ADAMTS19: variants seen among roughly 807,000 people sequenced by gnomAD.
ADAMTS19 encodes the protein A disintegrin and metalloproteinase with thrombospondin motifs 19.
Under a neutral mutation model 153.3 loss-of-function variants are expected in ADAMTS19, and 93 were observed. The observed-to-expected ratio is 0.61, with a 90% CI of 0.51 to 0.72. ADAMTS19 has a LOEUF of 0.72. Ranked by LOEUF, ADAMTS19 falls within the 30% of genes least tolerant of loss-of-function variation. The probability of loss-of-function intolerance (pLI) is 0.00; values close to 1 mark genes in which losing one functional copy is unlikely to be tolerated. For missense variants in ADAMTS19, 1,482 were observed against 1,552.1 expected, an observed-to-expected ratio of 0.95 and a Z score of 0.76; for synonymous variants, 600 against 556.6, an observed-to-expected ratio of 1.08 and a Z score of -1.10.
At chr5:129,497,799 C>T (rs1242101843) in intron 2 of ADAMTS19, among the ~76,000 whole-genome samples, 2 of 152,012 alleles carry the variant, frequency 1.3e-5, no homozygotes, top group African/African-American at 4.8e-5. Context: ...AGTCCAGTCA[C>T]CCTGTGTTGC....
At chr5:129,483,675 T>C (rs1262548206) in intron 2 of ADAMTS19, among the ~76,000 whole-genome samples, 2 of 152,232 alleles carry the variant, frequency 1.3e-5, no homozygotes, top group East Asian at 1.9e-4. Flanking sequence ...AGCCAAAATC[T>C]GTAAGATGCT....
intron 2 of ADAMTS19, among the ~76,000 whole-genome samples, chr5:129,464,806 G>A (rs1749799048): frequency 6.6e-6 from 1 of 152,164 alleles, no homozygotes; most frequent in African/African-American, 2.4e-5. Flanking sequence ...CAATTGATCT[G>A]TGAAGTGTTA....
intron 3 of ADAMTS19, among the ~76,000 whole-genome samples, chr5:129,510,427 C>T (rs1751400546): frequency 6.6e-6 from 1 of 151,886 alleles, no homozygotes; most frequent in African/African-American, 2.4e-5. Flanking sequence ...AGTTGAGTCT[C>T]TCTCCACGTC....
chr5:129,661,708 C>T (rs1753820878), intron 15 of ADAMTS19, among the ~76,000 whole-genome samples: 1 of 152,032 alleles, frequency 6.6e-6, no homozygotes, highest in Admixed American at 6.6e-5. Flanking sequence ...GATAAATTTT[C>T]AGAGGAATAA....
intron 21 of ADAMTS19, among the ~76,000 whole-genome samples, chr5:129,713,434 A>C (rs1192080824): frequency 6.6e-6 from 1 of 152,234 alleles, no homozygotes; most frequent in East Asian, 1.9e-4. Flanking sequence ...TCAGCCAATT[A>C]GAAAGATATC....
intron 6 of ADAMTS19, among the ~76,000 whole-genome samples, chr5:129,545,405 C>G (rs1752820110): frequency 6.6e-6 from 1 of 152,020 alleles, no homozygotes. Context: ...CACAAAGGTG[C>G]CTGAGCACTA....
At chr5:129,555,924 A>G (rs1226455344) in intron 7 of ADAMTS19, among the ~76,000 whole-genome samples, 1 of 152,330 alleles carries the variant, frequency 6.6e-6, no homozygotes, top group African/African-American at 2.4e-5. Flanking sequence ...CAATATTTCA[A>G]CTTTAAAACA....
rs529501401 is a variant in ADAMTS19, at chr5:129,531,555, G to A, written c.1328+2878G>A. Among the ~76,000 whole-genome samples, 86 of 152,252 alleles carry A rather than the reference G, an allele frequency of 5.6e-4. 1 individual carries two copies. Among genetic ancestry groups the A allele is most frequent in the Admixed American group, 2.9e-3 (44 of 15,296 alleles). On this transcript the variant is annotated intron_variant, in intron 6 of 22. Transcript: ENST00000274487. ...CACGAGAATTGCTTGAATCTGGGAG[G>A]CAGAGGTTGCAGTGAGCCAAGATTG...
intron 22 of ADAMTS19, among the ~76,000 whole-genome samples, chr5:129,735,576 A>G (rs1254055401): frequency 6.6e-6 from 1 of 152,048 alleles, no homozygotes; most frequent in African/African-American, 2.4e-5. Context: ...GATCTACACC[A>G]TTAAACAAGA....
intron 3 of ADAMTS19, among the ~76,000 whole-genome samples, chr5:129,522,300 T>TGC (rs1751840097): frequency 1.3e-5 from 1 of 79,508 alleles, no homozygotes; most frequent in African/African-American, 7.6e-5. Context: ...TGTGTGTGTG[T>TGC]ATATATATAT....
chr5:129,641,978 T>C lies in ADAMTS19; in HGVS notation c.1872+18T>C, dbSNP rs1313678550. The C allele has an allele frequency of 1.3e-6, 2 of 1,522,068 alleles. No homozygotes were observed. The highest frequency in any genetic ancestry group is 1.8e-6 in the Non-Finnish European group (2 of 1,113,536). The allele number at this position is 1,522,068 out of a possible 1,614,324, so 94.3% of individuals were successfully genotyped here. On this transcript the variant is annotated intron_variant, in intron 11 of 22. Coordinates refer to ENST00000274487, the MANE Select transcript of ADAMTS19 (RefSeq NM_133638.6). ...TTGGTAAGGTAAGTCATTTGTGTTG[T>C]CTGAATTTAATGAGCATACTAGATG...
At chr5:129,628,214 T>C (rs149174608) in intron 10 of ADAMTS19, among the ~76,000 whole-genome samples, 1 of 151,860 alleles carries the variant, frequency 6.6e-6, no homozygotes, top group East Asian at 1.9e-4. Flanking sequence ...AAAAACCAAA[T>C]ACCATTTGTT....
intron 7 of ADAMTS19, among the ~76,000 whole-genome samples, chr5:129,555,862 A>T (rs1431050053): frequency 6.6e-6 from 1 of 152,220 alleles, no homozygotes; most frequent in Non-Finnish European, 1.5e-5. Flanking sequence ...AGATGAAGAT[A>T]TAGAATTAAA....
intron 10 of ADAMTS19, among the ~76,000 whole-genome samples, chr5:129,635,085 C>A (rs1040277354): frequency 2.6e-5 from 4 of 152,146 alleles, no homozygotes; most frequent in African/African-American, 9.6e-5. Context: ...AAAAAACAAG[C>A]AACCCCAATA....
intron 2 of ADAMTS19, among the ~76,000 whole-genome samples, chr5:129,467,602 T>C (rs780124188): frequency 2.8e-4 from 42 of 152,292 alleles, no homozygotes; most frequent in Non-Finnish European, 5.0e-4. Flanking sequence ...AGATTGACTT[T>C]AGAGGATTGA....
intron 7 of ADAMTS19, among the ~76,000 whole-genome samples, chr5:129,552,256 C>T (rs1474361422): frequency 6.6e-6 from 1 of 150,398 alleles, no homozygotes; most frequent in Non-Finnish European, 1.5e-5. Flanking sequence ...TGCAGGATAA[C>T]AGATTATTTT....
intron 10 of ADAMTS19, among the ~76,000 whole-genome samples, chr5:129,625,347 T>C (rs1448562373): frequency 6.6e-6 from 1 of 152,220 alleles, no homozygotes; most frequent in Admixed American, 6.5e-5. Flanking sequence ...TTTAGGTATA[T>C]ACCCAGTAAT....
intron 21 of ADAMTS19, among the ~76,000 whole-genome samples, chr5:129,710,074 CTAGG>C (rs942269337): frequency 6.6e-6 from 1 of 152,002 alleles, no homozygotes; most frequent in Non-Finnish European, 1.5e-5. Context: ...AGCCCATCAC[CTAGG>C]TATTAAGCCC....
At chr5:129,550,928 A>G (rs1267114756) in intron 6 of ADAMTS19, among the ~76,000 whole-genome samples, 1 of 151,698 alleles carries the variant, frequency 6.6e-6, no homozygotes, top group African/African-American at 2.4e-5. Flanking sequence ...ATCCCCAACC[A>G]AAACATCACA....
Sources: gnomAD v4.1 joint callset for allele counts (sites outside exome capture counted in the v4.1 genomes callset) on GRCh38, gnomAD v4.1.1 for gene constraint, MANE v1.5 for transcripts, NCBI Gene and HGNC (gene_info 2026-07-23, HGNC 2026-07-21) for gene names.